CPNE4: variants seen among roughly 807,000 people sequenced by gnomAD.
The protein encoded by CPNE4 is copine 4, also known as copine-4.
Under a neutral mutation model 67.9 loss-of-function variants are expected in CPNE4, and 25 were observed. The ratio of observed to expected loss-of-function variants is 0.37; its 90% CI spans 0.27 to 0.51. The LOEUF (loss-of-function observed/expected upper bound fraction) is 0.51, where lower values mean the gene tolerates loss of function less well. CPNE4 is among the 20% of genes least tolerant of loss of function. The probability of loss-of-function intolerance (pLI) is 0.93; values close to 1 mark genes in which losing one functional copy is unlikely to be tolerated. For missense variants in CPNE4, 464 were observed against 690.8 expected (o/e 0.67, Z 3.68); for synonymous variants, 242 against 244.9 (o/e 0.99, Z 0.11).
At chr3:131,801,430 G>A (rs1295134917) in intron 2 of CPNE4, among the ~76,000 whole-genome samples, 999 of 85,358 alleles carry the variant, frequency 0.012, 32 homozygotes, top group African/African-American at 0.038. Flanking sequence ...GTGTGTGTGT[G>A]TGTGTGTGTG....
intron 12 of CPNE4, among the ~76,000 whole-genome samples, chr3:131,553,050 A>T (rs1310810980): frequency 6.6e-6 from 1 of 152,118 alleles, no homozygotes; most frequent in East Asian, 1.9e-4. Flanking sequence ...AACATAGTAA[A>T]GTAATATACT....
chr3:131,631,436 G>T (rs550119901), intron 7 of CPNE4, among the ~76,000 whole-genome samples: 9 of 152,202 alleles, frequency 5.9e-5, no homozygotes, highest in East Asian at 5.8e-4. Context: ...ACTGGTTTGG[G>T]TTTGCACAGT....
At chr3:131,851,528 T>C (rs1400531361) in intron 2 of CPNE4, among the ~76,000 whole-genome samples, 1 of 152,092 alleles carries the variant, frequency 6.6e-6, no homozygotes, top group Non-Finnish European at 1.5e-5. Flanking sequence ...AAAGAAGGGT[T>C]TGACTTCCAT....
At chr3:131,989,978 G>C (rs1299331012) in intron 1 of CPNE4, among the ~76,000 whole-genome samples, 1 of 136,072 alleles carries the variant, frequency 7.3e-6, no homozygotes, top group Non-Finnish European at 1.7e-5. Context: ...CATTTGGAAG[G>C]GGAATGTTGC....
chr3:131,591,654 A>G (rs545171806), intron 7 of CPNE4, among the ~76,000 whole-genome samples: 1 of 152,308 alleles, frequency 6.6e-6, no homozygotes, highest in South Asian at 2.1e-4. Flanking sequence ...TCTTTCTTCA[A>G]TCAGCTAGCA....
chr3:131,835,837 A>AT lies in CPNE4; in HGVS notation c.180+69426dup, dbSNP rs2085535622. Reference sequence around the variant, plus strand: ...TCCTCCCCAAGCATGGCTGCTGCAGATAGAGTAGAGTGGAGCTCTGTAGAA... The same window carrying AT: ...TCCTCCCCAAGCATGGCTGCTGCAGATTAGAGTAGAGTGGAGCTCTGTAGAA... On this transcript the variant is annotated intron_variant, in intron 2 of 15. Coordinates refer to ENST00000429747, the MANE Select transcript of CPNE4 (RefSeq NM_130808.3). Among the ~76,000 whole-genome samples the AT allele has an allele frequency of 4.6e-5, 7 of 152,272 alleles. No homozygotes were observed. The South Asian group carries it at 1.2e-3, about 27-fold the overall frequency.
At chr3:131,808,045 A>G (rs1223007958) in intron 2 of CPNE4, among the ~76,000 whole-genome samples, 2 of 152,218 alleles carry the variant, frequency 1.3e-5, no homozygotes, top group African/African-American at 4.8e-5. Flanking sequence ...TAACCATAGC[A>G]GCAACACTGA....
chr3:131,862,118 G>A (rs1290334191), intron 2 of CPNE4, among the ~76,000 whole-genome samples: 1 of 152,116 alleles, frequency 6.6e-6, no homozygotes, highest in Non-Finnish European at 1.5e-5. Context: ...GAGATGTAGA[G>A]CAAGAACTTT....
intron 2 of CPNE4, among the ~76,000 whole-genome samples, chr3:131,821,231 A>G (rs975310147): frequency 6.6e-6 from 1 of 152,222 alleles, no homozygotes; most frequent in Non-Finnish European, 1.5e-5. Context: ...AGGCCTAGAT[A>G]AGTTAGAATT....
At chr3:131,745,478 T>G (rs2082465382) in intron 2 of CPNE4, among the ~76,000 whole-genome samples, 1 of 152,152 alleles carries the variant, frequency 6.6e-6, no homozygotes, top group South Asian at 2.1e-4. Context: ...GTGTCAAGTC[T>G]AAGAACTTTT....
intron 7 of CPNE4, among the ~76,000 whole-genome samples, chr3:131,661,847 G>A (rs1051144972): frequency 2.6e-5 from 4 of 152,060 alleles, no homozygotes; most frequent in Non-Finnish European, 5.9e-5. Context: ...TTTGTTGCAG[G>A]TGTTTCCAAC....
intron 3 of CPNE4, among the ~76,000 whole-genome samples, chr3:131,713,890 C>T (rs747876083): frequency 2.7e-5 from 4 of 149,942 alleles, no homozygotes; most frequent in African/African-American, 5.0e-5. Context: ...GCAGAAAAGA[C>T]AGCAGTAAAA....
chr3:132,034,883 A>T lies in CPNE4; in HGVS notation c.-318T>A. ...TCAGTTAACTCGGAGAGTAAAGAGG[A>T]GGGTACTGAGAAAAGAGGGAGGGAG... On this transcript the variant is annotated 5_prime_UTR_variant, in exon 1 of 16. Coordinates refer to ENST00000429747, the MANE Select transcript of CPNE4 (RefSeq NM_130808.3). 5 of 984,996 alleles carry T rather than the reference A, an allele frequency of 5.1e-6. No homozygotes were observed. The highest frequency in any genetic ancestry group is 6.0e-6 in the Non-Finnish European group (5 of 829,854). 61.0% of individuals were successfully genotyped at this position (984,996 alleles called of 1,614,324 possible). A position where few individuals can be genotyped will look rare whatever the true frequency, so the allele number is the denominator to read the frequency against.
chr3:131,780,908 G>C (rs934026446), intron 2 of CPNE4, among the ~76,000 whole-genome samples: 10 of 152,040 alleles, frequency 6.6e-5, no homozygotes, highest in African/African-American at 2.4e-4. Context: ...AGATCCATAG[G>C]GGGAGATATG....
intron 7 of CPNE4, among the ~76,000 whole-genome samples, chr3:131,644,749 A>G (rs564931419): frequency 1.3e-5 from 2 of 152,322 alleles, no homozygotes; most frequent in East Asian, 3.9e-4. Context: ...GGAATGGAAA[A>G]GGTCTAAGAA....
chr3:131,668,683 A>G (rs1278634964), intron 7 of CPNE4, among the ~76,000 whole-genome samples: 1 of 152,138 alleles, frequency 6.6e-6, no homozygotes, highest in African/African-American at 2.4e-5. Context: ...GTTATCCTTA[A>G]TTGGTTGAAT....
chr3:131,927,147 C>A (rs1311981295), intron 1 of CPNE4, among the ~76,000 whole-genome samples: 1 of 152,088 alleles, frequency 6.6e-6, no homozygotes, highest in East Asian at 1.9e-4. Flanking sequence ...CATCATCATT[C>A]CTATTTTACG....
At chr3:132,028,541 A>G (rs1190748064) in intron 1 of CPNE4, among the ~76,000 whole-genome samples, 1 of 152,184 alleles carries the variant, frequency 6.6e-6, no homozygotes, top group Non-Finnish European at 1.5e-5. Context: ...GGGATAAGAG[A>G]TGGGAGAAGA....
At chr3:131,550,184 A>T in intron 13 of CPNE4, 104 bp from the exon 14 acceptor site, 1 of 1,155,462 alleles carries the variant, frequency 8.7e-7, no homozygotes, top group Non-Finnish European at 1.2e-6. Context: ...AATAGTCCTT[A>T]TCAACATCAT....
Sources: allele counts gnomAD v4.1 joint callset (sites outside exome capture counted in the v4.1 genomes callset), GRCh38; gene constraint gnomAD v4.1.1; transcripts MANE v1.5; gene names NCBI Gene and HGNC (gene_info 2026-07-23, HGNC 2026-07-21).